The following LAMA2 variants were observed in gnomAD, a reference collection of about 807,000 sequenced individuals.
LAMA2 encodes laminin subunit alpha-2.
In LAMA2, 269 loss-of-function variants were observed where a neutral mutation model predicts 364.8. The ratio of observed to expected loss-of-function variants is 0.74; its 90% CI spans 0.67 to 0.82. The LOEUF (loss-of-function observed/expected upper bound fraction) is 0.82. Among genes scored for constraint, LAMA2 ranks in the 40% least tolerant of loss-of-function variants. LAMA2 has a pLI of 0.00. For missense variants in LAMA2, 3,807 were observed against 3,873.2 expected (o/e 0.98, Z 0.45); for synonymous variants, 1,379 against 1,370.6 (o/e 1.01, Z -0.14).
intron 14 of LAMA2, among the ~76,000 whole-genome samples, chr6:129,254,778 A>G (rs1405897752): frequency 6.6e-6 from 1 of 152,192 alleles, no homozygotes; most frequent in Admixed American, 6.5e-5. Flanking sequence ...TGAACTGTGC[A>G]TCTTTCACCT....
At chr6:129,143,004 CCTTT>C (rs1290891711) in intron 4 of LAMA2, among the ~76,000 whole-genome samples, 5 of 151,918 alleles carry the variant, frequency 3.3e-5, no homozygotes, top group African/African-American at 1.2e-4. Context: ...GAACATCCTT[CCTTT>C]ATCCGTGCCA....
rs199563386 is a variant in LAMA2, at chr6:128,927,695, T to A, written c.112+44338T>A. Among the ~76,000 whole-genome samples the A allele has an allele frequency of 2.0e-5, 3 of 152,294 alleles. No homozygotes were observed. In the East Asian group the frequency reaches 5.8e-4, roughly 29 times the overall value. ...CAGGTGTAAACCATTAGATTCCTAC[T>A]AGATCCCTATCTTTCTTCCCGTTAC... On this transcript the variant is annotated intron_variant, in intron 1 of 64. Coordinates refer to ENST00000421865, the MANE Select transcript of LAMA2 (RefSeq NM_000426.4).
chr6:129,459,054 A>T (rs986970597), intron 48 of LAMA2, among the ~76,000 whole-genome samples: 1 of 152,038 alleles, frequency 6.6e-6, no homozygotes, highest in East Asian at 1.9e-4. Context: ...AGTTGGAATT[A>T]GGCAATTTCC....
chr6:129,483,067 GAAAA>G (rs60077511), intron 55 of LAMA2, among the ~76,000 whole-genome samples: 1 of 102,858 alleles, frequency 9.7e-6, no homozygotes, highest in Admixed American at 1.1e-4. Context: ...ACTCCGACTC[GAAAA>G]AAAAAAAAAA....
intron 56 of LAMA2, among the ~76,000 whole-genome samples, chr6:129,490,420 C>T: frequency 6.6e-6 from 1 of 152,160 alleles, no homozygotes; most frequent in Non-Finnish European, 1.5e-5. Context: ...AAATAAGGGT[C>T]ACTATGATGG....
intron 1 of LAMA2, among the ~76,000 whole-genome samples, chr6:129,025,950 C>T (rs1785778810): frequency 6.6e-6 from 1 of 152,108 alleles, no homozygotes. Context: ...GTGCACAGAC[C>T]TGCACAAACA....
intron 7 of LAMA2, among the ~76,000 whole-genome samples, chr6:129,151,084 G>GA (rs1163997442): frequency 1.3e-5 from 2 of 152,130 alleles, no homozygotes; most frequent in African/African-American, 4.8e-5. Context: ...TGATGATAGA[G>GA]AAAAAACATG....
rs1258546177 is a variant in LAMA2 at position 129,216,624 on chromosome 6, C to T, written c.1782+23771C>T. Among the ~76,000 whole-genome samples, 4 of 152,222 alleles carry T rather than the reference C, an allele frequency of 2.6e-5. No individual in the cohort carries two copies. In the East Asian group the frequency reaches 7.7e-4, roughly 29 times the overall value. On this transcript the variant is annotated intron_variant, in intron 12 of 64. Coordinates refer to ENST00000421865, the MANE Select transcript of LAMA2 (RefSeq NM_000426.4). The stretch of plus-strand genomic sequence containing the variant: ...GAATCACAGAGGGCTATATGAGATC[C>T]ATTTTCATTCTTAAAGAAAATTATT...
chr6:129,461,369 G>A (rs1438571980), intron 49 of LAMA2, among the ~76,000 whole-genome samples: 1 of 151,918 alleles, frequency 6.6e-6, no homozygotes, highest in African/African-American at 2.4e-5. Flanking sequence ...CCAACTCTTT[G>A]TTTCTTTTTG....
intron 7 of LAMA2, among the ~76,000 whole-genome samples, chr6:129,150,550 A>T (rs1162201420): frequency 6.6e-6 from 1 of 152,204 alleles, no homozygotes; most frequent in East Asian, 1.9e-4. Flanking sequence ...TAAATACAAA[A>T]CAAAAACAAT....
chr6:128,955,219 G>A (rs918317321), intron 1 of LAMA2, among the ~76,000 whole-genome samples: 1 of 151,824 alleles, frequency 6.6e-6, no homozygotes, highest in Non-Finnish European at 1.5e-5. Flanking sequence ...TGTGGATAGG[G>A]CATTTATTAC....
chr6:129,415,109 A>G (rs528944054), intron 40 of LAMA2, among the ~76,000 whole-genome samples: 1 of 152,302 alleles, frequency 6.6e-6, no homozygotes. Context: ...TTTAAGATGA[A>G]GCTATTTATG....
chr6:129,131,983 C>A (rs74698242), intron 4 of LAMA2, among the ~76,000 whole-genome samples: 3 of 152,024 alleles, frequency 2.0e-5, no homozygotes, highest in African/African-American at 7.3e-5. Context: ...ACAAACTACT[C>A]CCCAGATGTC....
intron 30 of LAMA2, among the ~76,000 whole-genome samples, chr6:129,347,027 T>C (rs992338299): frequency 1.2e-4 from 18 of 152,032 alleles, no homozygotes; most frequent in Non-Finnish European, 5.9e-5. Flanking sequence ...CCAGGGTGGT[T>C]GGAACAGAGT....
chr6:129,401,109 C>A, intron 37 of LAMA2, 115 bp from the exon 38 acceptor site: 1 of 786,498 alleles, frequency 1.3e-6, no homozygotes, highest in Non-Finnish European at 2.3e-6. Flanking sequence ...CACATTTCAA[C>A]ATGATGTACC....
At chr6:128,931,778 A>C (rs150289049) in intron 1 of LAMA2, among the ~76,000 whole-genome samples, 296 of 152,280 alleles carry the variant, frequency 1.9e-3, no homozygotes, top group African/African-American at 6.9e-3. Context: ...TTGTGGCTTC[A>C]GTTTTGACTT....
intron 1 of LAMA2, among the ~76,000 whole-genome samples, chr6:128,995,985 C>T (rs569325830): frequency 4.8e-4 from 73 of 152,150 alleles, no homozygotes; most frequent in Non-Finnish European, 8.1e-4. Context: ...TGAATTCATT[C>T]TTTATTGATA....
intron 48 of LAMA2, among the ~76,000 whole-genome samples, chr6:129,459,860 A>G (rs1204861232): frequency 1.3e-5 from 2 of 152,090 alleles, no homozygotes; most frequent in East Asian, 3.9e-4. Flanking sequence ...AAAATTCCAC[A>G]TTACAGACAA....
chr6:129,172,832 G>A (rs1228261498), intron 9 of LAMA2, among the ~76,000 whole-genome samples: 3 of 152,222 alleles, frequency 2.0e-5, no homozygotes, highest in Non-Finnish European at 4.4e-5. Flanking sequence ...AGACTCCATG[G>A]GCGTAGGACC....
Sources: allele counts gnomAD v4.1 joint callset (sites outside exome capture counted in the v4.1 genomes callset), GRCh38; gene constraint gnomAD v4.1.1; transcripts MANE v1.5; gene names NCBI Gene and HGNC (gene_info 2026-07-23, HGNC 2026-07-21).